The following MEIKIN variants were observed in gnomAD, a reference collection of about 807,000 sequenced individuals.
The protein encoded by MEIKIN is meiosis-specific kinetochore protein.
At chr5:131,810,803 G>GT (rs368841656) in intron 12 of MEIKIN, among the ~76,000 whole-genome samples, 1 of 152,060 alleles carries the variant, frequency 6.6e-6, no homozygotes, top group Non-Finnish European at 1.5e-5. Flanking sequence ...TTTCACCATT[G>GT]TTTTTTATTT....
chr5:131,927,174 T>TTGTGC (rs143268385), intron 5 of MEIKIN, among the ~76,000 whole-genome samples: 32,917 of 152,022 alleles, frequency 0.22, 3,784 homozygotes, highest in East Asian at 0.49. Context: ...TTTTAATATA[T>TTGTGC]TGTGCTTTCA....
At chr5:131,911,927 A>G in intron 7 of MEIKIN, 48 bp from the exon 8 acceptor site, 1 of 396,868 alleles carries the variant, frequency 2.5e-6, no homozygotes, top group South Asian at 1.3e-4. Flanking sequence ...ATCCTTCAGT[A>G]ACTTTCAAAA....
chr5:131,884,792 A>G (rs1750750349), intron 8 of MEIKIN, among the ~76,000 whole-genome samples: 1 of 151,700 alleles, frequency 6.6e-6, no homozygotes, highest in African/African-American at 2.4e-5. Context: ...TGGGCCAGAG[A>G]GGAGTCCACT....
chr5:131,829,507 C>T (rs1749677247), intron 11 of MEIKIN, among the ~76,000 whole-genome samples: 1 of 151,982 alleles, frequency 6.6e-6, no homozygotes, highest in African/African-American at 2.4e-5. Context: ...GAGAGACTTC[C>T]TTAGTAAATT....
rs546521749 is a variant in MEIKIN at position 131,931,336 on chromosome 5, T to C, written c.478+2177A>G. Among the ~76,000 whole-genome samples, 5 of 152,324 alleles carry C rather than the reference T, an allele frequency of 3.3e-5. No homozygotes were observed. In the East Asian group the frequency reaches 9.6e-4, roughly 29 times the overall value. ...CGAGGGAGAAGCTGGAATCTTTTTT[T>C]TTCCCCCACTCACTCTGCACTGAGC... is the stretch of plus-strand genomic sequence containing the variant. On this transcript the variant is annotated intron_variant, in intron 5 of 12. Coordinates refer to ENST00000442687, the MANE Select transcript of MEIKIN (RefSeq NM_001303622.2).
intron 11 of MEIKIN, among the ~76,000 whole-genome samples, chr5:131,826,086 C>CTTTTT (rs35951729): frequency 2.4e-5 from 3 of 124,964 alleles, no homozygotes; most frequent in African/African-American, 5.9e-5. Flanking sequence ...TTCTTGTTTT[C>CTTTTT]TTTTTTTTTT....
chr5:131,828,066 A>G (rs914167657), intron 11 of MEIKIN, among the ~76,000 whole-genome samples: 1 of 152,002 alleles, frequency 6.6e-6, no homozygotes, highest in African/African-American at 2.4e-5. Flanking sequence ...AGATTAGAAG[A>G]TGTAGTAACC....
intron 12 of MEIKIN, among the ~76,000 whole-genome samples, chr5:131,811,892 C>T (rs907594878): frequency 6.6e-6 from 1 of 152,242 alleles, no homozygotes; most frequent in Non-Finnish European, 1.5e-5. Flanking sequence ...CTGCGCCCAG[C>T]CCGGCCAACT....
intron 5 of MEIKIN, 100 bp downstream of exon 5, chr5:131,933,413 A>G: frequency 2.6e-6 from 1 of 384,724 alleles, no homozygotes; most frequent in Non-Finnish European, 4.6e-6. Flanking sequence ...GAGGAAGAGG[A>G]GTATGCCTTC....
At chr5:131,910,003 T>G (rs1365637995) in intron 8 of MEIKIN, among the ~76,000 whole-genome samples, 2 of 152,106 alleles carry the variant, frequency 1.3e-5, no homozygotes, top group African/African-American at 4.8e-5. Context: ...TAAGGAGAAC[T>G]GTTTGGAGCT....
chr5:131,942,174 GT>G (rs1751879063), intron 4 of MEIKIN, among the ~76,000 whole-genome samples: 1 of 152,160 alleles, frequency 6.6e-6, no homozygotes, highest in Admixed American at 6.5e-5. Flanking sequence ...CCTCAAACTG[GT>G]TGTCTAATCC....
intron 9 of MEIKIN, among the ~76,000 whole-genome samples, chr5:131,876,623 T>C (rs112263137): frequency 0.61 from 84,400 of 138,800 alleles, 26,642 homozygotes; most frequent in Non-Finnish European, 0.74. Context: ...AAATACCATT[T>C]GACCCAGCCA....
In MEIKIN at chr5:131,889,697, G is replaced by A. The variant is rs113069132; in HGVS notation, c.704-10649C>T. 4.7e-3 allele frequency among the ~76,000 whole-genome samples: 716 copies of A among 152,062 alleles called. 9 individuals carry two copies. The highest frequency in any genetic ancestry group is 0.016 in the African/African-American group (678 of 41,462). On this transcript the variant is annotated intron_variant, in intron 8 of 12. Transcript: ENST00000442687. Reference sequence around the variant, plus strand: ...CTTCCTCTTTTCCTAATTGAATACCGTTTATTTCCTTCTTCTGCCTGATGG... The same window carrying A: ...CTTCCTCTTTTCCTAATTGAATACCATTTATTTCCTTCTTCTGCCTGATGG...
chr5:131,837,288 T>C (rs2149609451), intron 11 of MEIKIN, among the ~76,000 whole-genome samples: 1 of 152,290 alleles, frequency 6.6e-6, no homozygotes, highest in South Asian at 2.1e-4. Context: ...TGAAGTAAGG[T>C]AGTGTGATAC....
At chr5:131,871,144 T>C (rs11242098) in intron 9 of MEIKIN, among the ~76,000 whole-genome samples, 1 of 152,014 alleles carries the variant, frequency 6.6e-6, no homozygotes, top group Non-Finnish European at 1.5e-5. Context: ...GTGTGCCAGA[T>C]AGTGGGTGCC....
chr5:131,921,677 C>T (rs1751507603), intron 6 of MEIKIN, 145 bp downstream of exon 6: 1 of 379,364 alleles, frequency 2.6e-6, no homozygotes. Context: ...AAAAAGTAAA[C>T]TCATACATAC....
chr5:131,878,334 G>A lies in MEIKIN; in HGVS notation c.774+644C>T, dbSNP rs186411528. Among the ~76,000 whole-genome samples the A allele has an allele frequency of 6.8e-3, 1,039 of 152,266 alleles. 12 individuals are homozygous for A. Among genetic ancestry groups the A allele is most frequent in the African/African-American group, 0.024 (983 of 41,546 alleles). On this transcript the variant is annotated intron_variant, in intron 9 of 12. Coordinates refer to ENST00000442687, the MANE Select transcript of MEIKIN (RefSeq NM_001303622.2). ...TGTAATCCCAGCACTTTCGGAGGCC[G>A]AGGCGGGCGGATCACGAGGTCAGGA...
Position 131,942,712 on chromosome 5 carries a change from T to G in MEIKIN, c.289-17A>C. 2.5e-6 allele frequency: 1 copy of G among 398,138 alleles called. No individual in the cohort carries two copies. Among genetic ancestry groups the G allele is most frequent in the East Asian group, 3.6e-5 (1 of 27,906 alleles). 24.7% of individuals were successfully genotyped at this position (398,138 alleles called of 1,614,324 possible). A position where few individuals can be genotyped will look rare whatever the true frequency, so the allele number is the denominator to read the frequency against. On this transcript the variant is annotated splice_polypyrimidine_tract_variant and intron_variant, in intron 3 of 12. Transcript: ENST00000442687. ...AACTGATTCCTAAGTGAAATAAGAA[T>G]TAAAGCTATAGCAAAATTATGAGAT...
Position 131,807,193 on chromosome 5 carries a change from C to T in MEIKIN, c.*43G>A, listed in dbSNP as rs970169322. 3 of 398,378 alleles carry T rather than the reference C, an allele frequency of 7.5e-6. No individual in the cohort carries two copies. The East Asian group carries it at 1.1e-4, about 14-fold the overall frequency. The allele number at this position is 398,378 out of a possible 1,614,324, so 24.7% of individuals were successfully genotyped here. A position where few individuals can be genotyped will look rare whatever the true frequency, so the allele number is the denominator to read the frequency against. On this transcript the variant is annotated 3_prime_UTR_variant, in exon 13 of 13. Coordinates refer to ENST00000442687, the MANE Select transcript of MEIKIN (RefSeq NM_001303622.2). ...CTGCTTTATAGACTTTGACTTCACA[C>T]TCCTGTCTTCAAAGTGGTGAAAATT...
Sources: gnomAD v4.1 joint callset for allele counts (sites outside exome capture counted in the v4.1 genomes callset) on GRCh38, gnomAD v4.1.1 for gene constraint, MANE v1.5 for transcripts, NCBI Gene and HGNC (gene_info 2026-07-23, HGNC 2026-07-21) for gene names.